The following XRCC4 variants were observed in gnomAD, a reference collection of about 807,000 sequenced individuals.
The protein encoded by XRCC4 is X-ray repair cross complementing 4, also known as DNA repair protein XRCC4.
In XRCC4, 28 loss-of-function variants were observed where a neutral mutation model predicts 39.1. That is an observed-to-expected ratio of 0.72 (90% CI 0.53 to 0.98). The LOEUF is 0.98. XRCC4 is among the 50% of genes least tolerant of loss of function. XRCC4 has a pLI of 0.00. For synonymous variants in XRCC4, 123 were observed against 126.4 expected (o/e 0.97, Z 0.18); for missense variants, 350 against 376.4 (o/e 0.93, Z 0.58).
chr5:83,274,331 C>T (rs1189254290), intron 7 of XRCC4, among the ~76,000 whole-genome samples: 2 of 152,150 alleles, frequency 1.3e-5, no homozygotes, highest in Non-Finnish European at 2.9e-5. Context: ...AGAATAATTA[C>T]AAATTATCAA....
intron 7 of XRCC4, among the ~76,000 whole-genome samples, chr5:83,290,205 G>T (rs1166116613): frequency 6.6e-6 from 1 of 151,696 alleles, no homozygotes; most frequent in Non-Finnish European, 1.5e-5. Context: ...CTTTCAGTTT[G>T]TTCAGCTTTT....
chr5:83,279,644 A>G (rs1270656599), intron 7 of XRCC4, among the ~76,000 whole-genome samples: 1 of 152,222 alleles, frequency 6.6e-6, no homozygotes, highest in African/African-American at 2.4e-5. Flanking sequence ...GTTGATAATT[A>G]AAAGATTTAA....
At chr5:83,110,920 T>C (rs986429245) in intron 2 of XRCC4, 108 bp from the exon 3 acceptor site, 2 of 1,092,950 alleles carry the variant, frequency 1.8e-6, no homozygotes, top group Admixed American at 6.6e-5. Context: ...TTTTACTTGT[T>C]TGAATTTCTG....
intron 7 of XRCC4, among the ~76,000 whole-genome samples, chr5:83,322,309 A>G (rs947119538): frequency 6.6e-6 from 1 of 152,064 alleles, no homozygotes; most frequent in Non-Finnish European, 1.5e-5. Flanking sequence ...ATCAAATGCT[A>G]TGAACTCACA....
intron 7 of XRCC4, among the ~76,000 whole-genome samples, chr5:83,293,094 C>T (rs1051323999): frequency 2.6e-5 from 4 of 151,810 alleles, no homozygotes; most frequent in African/African-American, 9.7e-5. Context: ...CGGGATTTGT[C>T]AGCTGACTAA....
chr5:83,130,762 T>C (rs1580264141), intron 3 of XRCC4, among the ~76,000 whole-genome samples: 1 of 152,296 alleles, frequency 6.6e-6, no homozygotes, highest in Admixed American at 6.5e-5. Context: ...TGCGAAGAGG[T>C]GTTTATAGTA....
At chr5:83,132,523 A>C (rs1279106787) in intron 3 of XRCC4, among the ~76,000 whole-genome samples, 1 of 151,344 alleles carries the variant, frequency 6.6e-6, no homozygotes, top group African/African-American at 2.4e-5. Flanking sequence ...TACACCAATC[A>C]GACGTAGGTT....
chr5:83,231,662 G>A (rs1004944428), intron 6 of XRCC4, among the ~76,000 whole-genome samples: 1 of 152,040 alleles, frequency 6.6e-6, no homozygotes, highest in Non-Finnish European at 1.5e-5. Context: ...GCTAAACAAA[G>A]CTCATCAGTT....
In XRCC4 at chr5:83,114,125, A is replaced by C. The variant is rs117469079; in HGVS notation, c.315+2922A>C. Among the ~76,000 whole-genome samples the C allele has an allele frequency of 2.9e-3, 440 of 151,422 alleles. 10 individuals carry two copies. The East Asian group carries it at 0.073, about 25-fold the overall frequency. On this transcript the variant is annotated intron_variant, in intron 3 of 7. Coordinates refer to ENST00000396027, the MANE Select transcript of XRCC4 (RefSeq NM_003401.5). ...CTGGGATGCAGGGAACCAAGTCCCT[A>C]GGCTGCACGCTGCAATGGGGGCCTG...
intron 3 of XRCC4, among the ~76,000 whole-genome samples, chr5:83,169,508 G>A (rs1474815983): frequency 1.3e-5 from 2 of 152,140 alleles, no homozygotes; most frequent in Non-Finnish European, 2.9e-5. Flanking sequence ...AGCAAGTGCT[G>A]TGCTTACTAA....
At position 83,129,139 on chromosome 5, in the gene XRCC4, A is replaced by G. The variant is rs1747425980; in HGVS notation, c.315+17936A>G. Among the ~76,000 whole-genome samples the G allele has an allele frequency of 1.3e-5, 2 of 150,702 alleles. 1 individual carries two copies. The highest frequency in any genetic ancestry group is 4.2e-4 in the South Asian group (2 of 4,716). On this transcript the variant is annotated intron_variant, in intron 3 of 7. Coordinates refer to ENST00000396027, the MANE Select transcript of XRCC4 (RefSeq NM_003401.5). ...ATGTTTAAGTCTTTAATCCATCTTG[A>G]ATTAATTTTTGTATAAGGTGTAAGG... is the stretch of plus-strand genomic sequence containing the variant.
In XRCC4 at chr5:83,320,423, G is replaced by A. The variant is rs145457785; in HGVS notation, c.894-32708G>A. Among the ~76,000 whole-genome samples, 11 of 149,628 alleles carry A rather than the reference G, an allele frequency of 7.4e-5. 1 individual carries two copies. The highest frequency in any genetic ancestry group is 6.6e-4 in the Admixed American group (10 of 15,040). Reference sequence around the variant, plus strand: ...AAAAGAAATAAAAACCACTCCTGGCGAAGATTCTATGAACATTGTTAAAAT... The same window carrying A: ...AAAAGAAATAAAAACCACTCCTGGCAAAGATTCTATGAACATTGTTAAAAT... On this transcript the variant is annotated intron_variant, in intron 7 of 7. Coordinates refer to ENST00000396027, the MANE Select transcript of XRCC4 (RefSeq NM_003401.5).
chr5:83,299,265 A>G (rs1343831773), intron 7 of XRCC4, among the ~76,000 whole-genome samples: 1 of 152,120 alleles, frequency 6.6e-6, no homozygotes, highest in Non-Finnish European at 1.5e-5. Context: ...AAGTTGGCCA[A>G]CAGTTTCACA....
At chr5:83,212,180 A>G (rs1384057876) in intron 6 of XRCC4, among the ~76,000 whole-genome samples, 1 of 152,180 alleles carries the variant, frequency 6.6e-6, no homozygotes, top group Non-Finnish European at 1.5e-5. Flanking sequence ...TAAACTAAAC[A>G]AAAACATGTT....
At chr5:83,340,487 CAGA>C (rs1243945873) in intron 7 of XRCC4, among the ~76,000 whole-genome samples, 5 of 151,956 alleles carry the variant, frequency 3.3e-5, no homozygotes, top group Non-Finnish European at 5.9e-5. Context: ...AAAAGAGAGG[CAGA>C]AGAAGAAAGT....
At chr5:83,217,958 A>G (rs1751927939) in intron 6 of XRCC4, among the ~76,000 whole-genome samples, 1 of 152,046 alleles carries the variant, frequency 6.6e-6, no homozygotes, top group African/African-American at 2.4e-5. Context: ...AACTTGTGTC[A>G]TCTATAAGCT....
At chr5:83,218,064 A>T (rs931509238) in intron 6 of XRCC4, among the ~76,000 whole-genome samples, 7 of 148,834 alleles carry the variant, frequency 4.7e-5, no homozygotes, top group Non-Finnish European at 7.4e-5. Flanking sequence ...TACCTTTTTT[A>T]TATATATATA....
chr5:83,339,088 C>T (rs1329690160), intron 7 of XRCC4, among the ~76,000 whole-genome samples: 1 of 152,128 alleles, frequency 6.6e-6, no homozygotes, highest in Non-Finnish European at 1.5e-5. Flanking sequence ...TTGTGGAATA[C>T]GGTGATCTGT....
intron 1 of XRCC4, among the ~76,000 whole-genome samples, chr5:83,080,080 G>A (rs187513020): frequency 1.3e-5 from 2 of 152,212 alleles, no homozygotes; most frequent in African/African-American, 4.8e-5. Flanking sequence ...CTTTGTCTTT[G>A]CTAAATTAAA....
Sources: allele counts gnomAD v4.1 joint callset (sites outside exome capture counted in the v4.1 genomes callset), GRCh38; gene constraint gnomAD v4.1.1; transcripts MANE v1.5; gene names NCBI Gene and HGNC (gene_info 2026-07-23, HGNC 2026-07-21).